Variants in DDX19B observed in about 807,000 individuals in gnomAD.
DDX19B encodes DEAD-box helicase 19B.
Under a neutral mutation model 58.1 loss-of-function variants are expected in DDX19B, and 27 were observed. The ratio of observed to expected loss-of-function variants is 0.46; its 90% CI spans 0.34 to 0.64. The LOEUF (loss-of-function observed/expected upper bound fraction) is 0.64, where lower values mean the gene tolerates loss of function less well. Ranked by LOEUF, DDX19B falls within the 30% of genes least tolerant of loss-of-function variation. The probability of loss-of-function intolerance (pLI) is 0.01; values close to 1 mark genes in which losing one functional copy is unlikely to be tolerated. For synonymous variants in DDX19B, 187 were observed against 214.4 expected, an observed-to-expected ratio of 0.87 and a Z score of 1.12; for missense variants, 399 against 596.5, an observed-to-expected ratio of 0.67 and a Z score of 3.45.
At chr16:70,327,048 A>G (rs996809244) in intron 7 of DDX19B, among the ~76,000 whole-genome samples, 11 of 149,276 alleles carry the variant, frequency 7.4e-5, no homozygotes, top group South Asian at 2.1e-4. Context: ...GTTAGCCAGG[A>G]TGGTCTCTAT....
chr16:70,304,987 G>T (rs1160683430), intron 1 of DDX19B, among the ~76,000 whole-genome samples: 1 of 151,966 alleles, frequency 6.6e-6, no homozygotes, highest in Non-Finnish European at 1.5e-5. Context: ...TTCATGTGAG[G>T]CGTGTTTTAT....
intron 1 of DDX19B, among the ~76,000 whole-genome samples, chr16:70,300,583 C>T (rs1357715377): frequency 6.6e-6 from 1 of 151,702 alleles, no homozygotes; most frequent in Non-Finnish European, 1.5e-5. Context: ...GGCTGGAGTG[C>T]ATTGACACCA....
At chr16:70,290,475 C>T (rs574008021), upstream of DDX19B, among the ~76,000 whole-genome samples, 4 of 152,014 alleles carry the variant, frequency 2.6e-5, no homozygotes, top group South Asian at 8.3e-4. Context: ...TGCGGTGAGC[C>T]GAGATGGCGC....
chr16:70,333,131 C>T lies in DDX19B; in HGVS notation c.1350C>T (p.Asn450=). The T allele has an allele frequency of 1.3e-6, 2 of 1,515,166 alleles. No homozygotes were observed. The highest frequency in any genetic ancestry group is 1.8e-6 in the Non-Finnish European group (2 of 1,122,522). The allele number at this position is 1,515,166 out of a possible 1,614,324, so 93.9% of individuals were successfully genotyped here. A position where few individuals can be genotyped will look rare whatever the true frequency, so the allele number is the denominator to read the frequency against. ...TGGTGGACAGCAAGCACAGCATGAA[C>T]ATCCTGAACAGAATCCAGGAGCATT... ...VNMVDSKHSM[N]ILNRIQEHFN... The change falls in exon 11 of 12, where the codon AAC becomes AAT. Residue 450 remains asparagine (N), a synonymous_variant. Coordinates refer to ENST00000288071, the MANE Select transcript of DDX19B (RefSeq NM_007242.7).
rs2152217923 is a variant in DDX19B at position 70,334,931 on chromosome 16, T to C, written c.*1349T>C. The stretch of plus-strand genomic sequence containing the variant: ...TTTGGCTTTGGTATAGAGTGGCCAC[T>C]TTCTCTAGGACCTGGAAGAAGAGTT... On this transcript the variant is annotated 3_prime_UTR_variant, in exon 12 of 12. Transcript: ENST00000288071. The C allele has an allele frequency of 6.6e-6, 1 of 152,346 alleles. No individual in the cohort carries two copies. Among genetic ancestry groups the C allele is most frequent in the African/African-American group, 2.4e-5 (1 of 41,584 alleles). 9.4% of individuals were successfully genotyped at this position (152,346 alleles called of 1,614,324 possible). A position where few individuals can be genotyped will look rare whatever the true frequency, so the allele number is the denominator to read the frequency against.
At chr16:70,313,021 T>C (rs965660985) in intron 2 of DDX19B, among the ~76,000 whole-genome samples, 2 of 151,948 alleles carry the variant, frequency 1.3e-5, no homozygotes. Flanking sequence ...TTTTATTTTT[T>C]ATTTTTTATT....
chr16:70,327,667 G>A (rs534269456), intron 7 of DDX19B, among the ~76,000 whole-genome samples: 1 of 152,006 alleles, frequency 6.6e-6, no homozygotes, highest in African/African-American at 2.4e-5. Context: ...AAAGTGATGG[G>A]ATTACAGGTG....
chr16:70,325,555 T>C lies in DDX19B; in HGVS notation c.493-19T>C, dbSNP rs777160984. 2 of 1,570,012 alleles carry C rather than the reference T, an allele frequency of 1.3e-6. No individual in the cohort carries two copies. Among genetic ancestry groups the C allele is most frequent in the Non-Finnish European group, 1.8e-6 (2 of 1,141,958 alleles). On this transcript the variant is annotated intron_variant, in intron 6 of 11. Transcript: ENST00000288071. ...GAGCTATTGTCTTGAATTTGCACTC[T>C]GCATTCTTTTCCTGCCAGTGTCTAT...
At chr16:70,331,540 A>G (rs964506358) in intron 9 of DDX19B, among the ~76,000 whole-genome samples, 182 bp from the exon 10 acceptor site, 1 of 152,206 alleles carries the variant, frequency 6.6e-6, no homozygotes, top group Non-Finnish European at 1.5e-5. Flanking sequence ...CTTGGGCTCA[A>G]GTGTGTAGCT....
chr16:70,306,948 C>T (rs372326383), intron 1 of DDX19B, among the ~76,000 whole-genome samples: 1 of 152,210 alleles, frequency 6.6e-6, no homozygotes, highest in Admixed American at 6.6e-5. Context: ...CTCTTTTAAA[C>T]ATTTCATATA....
In DDX19B at chr16:70,329,927, T is replaced by G. The variant is rs1189356127; in HGVS notation, c.882T>G (p.Val294=). The change falls in exon 9 of 12, where the codon GTT becomes GTG. Residue 294 remains valine, a synonymous_variant. Transcript: ENST00000288071. ...AGAAAGTGGTCCCAGACCCAAACGT[T>G]ATCAAACTGAAGCGTGAGGAAGAGA... The part of the protein sequence containing the change: ...FAQKVVPDPN[V]IKLKREEETL... 6.2e-7 allele frequency: 1 copy of G among 1,614,090 alleles called. No homozygotes were observed. Among genetic ancestry groups the G allele is most frequent in the Non-Finnish European group, 8.5e-7 (1 of 1,180,054 alleles).
At chr16:70,320,003 A>G (rs946929685) in intron 5 of DDX19B, among the ~76,000 whole-genome samples, 2 of 152,166 alleles carry the variant, frequency 1.3e-5, no homozygotes, top group Admixed American at 1.3e-4. Context: ...TCTTTTTTTA[A>G]GCTTGGCACT....
intron 2 of DDX19B, 95 bp downstream of exon 2, chr16:70,312,752 AC>A: frequency 9.6e-7 from 1 of 1,039,824 alleles, no homozygotes; most frequent in Non-Finnish European, 1.5e-6. Flanking sequence ...TTGTATTTGT[AC>A]CAGGCAGGGC....
Position 70,332,958 on chromosome 16 carries a change from C to A in DDX19B, c.1187-10C>A, listed in dbSNP as rs1410971372. Reference sequence around the variant, plus strand: ...TTAGTCCTCTCAGCCTCCAACTCTCCTTCCTGCAGGCATTGATGTTGAACA... The same window carrying A: ...TTAGTCCTCTCAGCCTCCAACTCTCATTCCTGCAGGCATTGATGTTGAACA... On this transcript the variant is annotated splice_polypyrimidine_tract_variant and intron_variant, in intron 10 of 11. Coordinates refer to ENST00000288071, the MANE Select transcript of DDX19B (RefSeq NM_007242.7). 1 of 1,613,846 alleles carries A rather than the reference C, an allele frequency of 6.2e-7. No homozygotes were observed. The highest frequency in any genetic ancestry group is 1.7e-5 in the Admixed American group (1 of 59,972).
At chr16:70,316,226 T>C (rs1409921597) in intron 4 of DDX19B, 122 bp downstream of exon 4, 5 of 1,325,324 alleles carry the variant, frequency 3.8e-6, no homozygotes, top group African/African-American at 1.6e-5. Context: ...TTTTTTTTTT[T>C]CGAGACAGAG....
At chr16:70,330,807 G>T (rs1241121364) in intron 9 of DDX19B, among the ~76,000 whole-genome samples, 1 of 152,032 alleles carries the variant, frequency 6.6e-6, no homozygotes, top group Non-Finnish European at 1.5e-5. Context: ...CTTTTGAGAG[G>T]CTGAGGTGGG....
At chr16:70,332,820 A>T in intron 10 of DDX19B, 148 bp from the exon 11 acceptor site, 1 of 1,451,956 alleles carries the variant, frequency 6.9e-7, no homozygotes, top group Non-Finnish European at 9.4e-7. Context: ...ACGGCCTTTC[A>T]GATCTGGCTT....
chr16:70,295,973 C>A (rs1567619288), upstream of DDX19B, among the ~76,000 whole-genome samples: 1 of 151,646 alleles, frequency 6.6e-6, no homozygotes, highest in Non-Finnish European at 1.5e-5. Flanking sequence ...CCAGGGGCAG[C>A]CATGGTTATC....
Position 70,316,116 on chromosome 16 carries a change from T to C in DDX19B, c.296+12T>C. 1.9e-6 allele frequency: 3 copies of C among 1,614,122 alleles called. No homozygotes were observed. Among genetic ancestry groups the C allele is most frequent in the Non-Finnish European group, 2.5e-6 (3 of 1,180,018 alleles). On this transcript the variant is annotated intron_variant, in intron 4 of 11. Transcript: ENST00000288071. The stretch of plus-strand genomic sequence containing the variant: ...GAAGAGCTTCGGCTGTGAGTATTTA[T>C]TCACCTTCTGACTCTTCCCCTTTGC...
Sources: gnomAD v4.1 joint callset for allele counts (sites outside exome capture counted in the v4.1 genomes callset) on GRCh38, gnomAD v4.1.1 for gene constraint, MANE v1.5 for transcripts, NCBI Gene and HGNC (gene_info 2026-07-23, HGNC 2026-07-21) for gene names.